Variants in ZC3H6 observed in about 807,000 individuals in gnomAD.
ZC3H6 encodes zinc finger CCCH domain-containing protein 6.
A neutral mutation model predicts 107.7 loss-of-function variants in ZC3H6; 40 were observed. That is an observed-to-expected ratio of 0.37 (90% CI 0.29 to 0.48). The LOEUF (loss-of-function observed/expected upper bound fraction) is 0.48, where lower values mean the gene tolerates loss of function less well. Among genes scored for constraint, ZC3H6 ranks in the 20% least tolerant of loss-of-function variants. ZC3H6 has a pLI of 0.98. For synonymous variants in ZC3H6, 493 were observed against 487.9 expected (o/e 1.01, Z -0.14); for missense variants, 1,267 against 1,410.4 (o/e 0.90, Z 1.63).
In ZC3H6 at chr2:112,338,903, AT is replaced by A. The variant is rs1677192566; in HGVS notation, c.*6416del. The A allele has an allele frequency of 2.6e-4, 19 of 74,412 alleles. No individual in the cohort carries two copies. Among genetic ancestry groups the A allele is most frequent in the Non-Finnish European group, 4.4e-4 (17 of 38,442 alleles). 4.6% of individuals were successfully genotyped at this position (74,412 alleles called of 1,614,324 possible). A position where few individuals can be genotyped will look rare whatever the true frequency, so the allele number is the denominator to read the frequency against. ...TATATATATATATATATATATATATATATATATATAATTTTTTTTTTTTGAG... is the reference window on the plus strand; with the variant it reads ...TATATATATATATATATATATATATAATATATATAATTTTTTTTTTTTGAG... On this transcript the variant is annotated 3_prime_UTR_variant, in exon 12 of 12. Transcript: ENST00000409871.
chr2:112,276,222 C>G (rs969673966), intron 1 of ZC3H6, among the ~76,000 whole-genome samples, 196 bp downstream of exon 1: 35 of 148,528 alleles, frequency 2.4e-4, no homozygotes, highest in African/African-American at 6.3e-4. Flanking sequence ...CCCGCCTCCC[C>G]GAGCCGGGGT....
At chr2:112,287,038 G>T (rs1686622271) in intron 1 of ZC3H6, among the ~76,000 whole-genome samples, 1 of 152,088 alleles carries the variant, frequency 6.6e-6, no homozygotes, top group African/African-American at 2.4e-5. Context: ...GTAACAGGCA[G>T]TTTCACTCTG....
chr2:112,296,112 T>C (rs985338811), intron 1 of ZC3H6, among the ~76,000 whole-genome samples: 11 of 152,150 alleles, frequency 7.2e-5, no homozygotes, highest in African/African-American at 2.7e-4. Flanking sequence ...TTTACAAATG[T>C]GTATAATGTA....
At chr2:112,324,924 GCTCA>G in intron 10 of ZC3H6, 36 bp from the exon 11 acceptor site, 2 of 1,535,280 alleles carry the variant, frequency 1.3e-6, no homozygotes, top group South Asian at 1.2e-5. Context: ...GAAGTTTTGT[GCTCA>G]CTCAATGACT....
intron 11 of ZC3H6, among the ~76,000 whole-genome samples, chr2:112,330,802 T>G (rs1248623482): frequency 6.6e-6 from 1 of 152,160 alleles, no homozygotes; most frequent in Non-Finnish European, 1.5e-5. Flanking sequence ...TGTTCCAGTA[T>G]TGAAATCTGG....
chr2:112,289,316 C>CTT (rs1558946707), intron 1 of ZC3H6, among the ~76,000 whole-genome samples: 1 of 132,260 alleles, frequency 7.6e-6, no homozygotes, highest in African/African-American at 2.8e-5. Context: ...CTTTTTTTTT[C>CTT]TTTTTCTTTT....
At chr2:112,277,320 G>C (rs1268053865) in intron 1 of ZC3H6, among the ~76,000 whole-genome samples, 1 of 152,014 alleles carries the variant, frequency 6.6e-6, no homozygotes. Flanking sequence ...TCTTAGAATG[G>C]GTTGACTAAT....
chr2:112,337,630 A>T lies in ZC3H6; in HGVS notation c.*5142A>T, dbSNP rs999367265. On this transcript the variant is annotated 3_prime_UTR_variant, in exon 12 of 12. Coordinates refer to ENST00000409871, the MANE Select transcript of ZC3H6 (RefSeq NM_198581.3). ...AGCCACCGTGCTCAGCCTGTTTTTT[A>T]TTTATTTTTTTGAGACAGTCTCACT... is the stretch of plus-strand genomic sequence containing the variant. 2 of 149,844 alleles carry T rather than the reference A, an allele frequency of 1.3e-5. No individual in the cohort carries two copies. Among genetic ancestry groups the T allele is most frequent in the South Asian group, 2.1e-4 (1 of 4,730 alleles). The allele number at this position is 149,844 out of a possible 1,614,324, so 9.3% of individuals were successfully genotyped here.
At chr2:112,318,608 T>TA (rs1040022917) in intron 7 of ZC3H6, among the ~76,000 whole-genome samples, 18 of 152,042 alleles carry the variant, frequency 1.2e-4, no homozygotes, top group Admixed American at 1.3e-4. Flanking sequence ...TTTGCAAAAA[T>TA]AAAAAAATCG....
intron 1 of ZC3H6, among the ~76,000 whole-genome samples, chr2:112,278,177 C>CT (rs1157220672): frequency 6.6e-6 from 1 of 152,140 alleles, no homozygotes; most frequent in Non-Finnish European, 1.5e-5. Flanking sequence ...AAAAAATGGA[C>CT]TAATCTGCGG....
chr2:112,312,500 A>G (rs973621866), intron 5 of ZC3H6, among the ~76,000 whole-genome samples: 1 of 152,210 alleles, frequency 6.6e-6, no homozygotes, highest in African/African-American at 2.4e-5. Context: ...ACTGTGGTCC[A>G]ATTCCTGTGT....
chr2:112,286,340 C>G (rs1686606307), intron 1 of ZC3H6: 1 of 213,772 alleles, frequency 4.7e-6, no homozygotes, highest in Non-Finnish European at 9.4e-6. Context: ...CTTGCGCCCG[C>G]TGGGTTTCCA....
rs904446422 is a variant in ZC3H6, at chr2:112,334,489, GAT to G, written c.*2004_*2005del. The G allele has an allele frequency of 6.6e-6, 1 of 152,000 alleles. No homozygotes were observed. Among genetic ancestry groups the G allele is most frequent in the Non-Finnish European group, 1.5e-5 (1 of 67,938 alleles). The allele number at this position is 152,000 out of a possible 1,614,324, so 9.4% of individuals were successfully genotyped here. On this transcript the variant is annotated 3_prime_UTR_variant, in exon 12 of 12. Coordinates refer to ENST00000409871, the MANE Select transcript of ZC3H6 (RefSeq NM_198581.3). ...GAATATCTTTTTTACAACTAAAAGAGATATTCCAAGATTTATTAAAGAGTCAG... is the reference window on the plus strand; with the variant it reads ...GAATATCTTTTTTACAACTAAAAGAGATTCCAAGATTTATTAAAGAGTCAG...
At chr2:112,292,357 T>C (rs1676140036) in intron 1 of ZC3H6, among the ~76,000 whole-genome samples, 2 of 152,232 alleles carry the variant, frequency 1.3e-5, no homozygotes, top group African/African-American at 2.4e-5. Context: ...AATATCAGAA[T>C]CCCTTTATTT....
chr2:112,325,355 G>A (rs979964324), intron 11 of ZC3H6, among the ~76,000 whole-genome samples, 158 bp downstream of exon 11: 5 of 152,136 alleles, frequency 3.3e-5, no homozygotes, highest in African/African-American at 4.8e-5. Context: ...TTAGGTGGTC[G>A]TGTTGGCATG....
intron 1 of ZC3H6, among the ~76,000 whole-genome samples, chr2:112,289,777 GTCACC>G (rs1379000965): frequency 2.6e-5 from 4 of 151,996 alleles, no homozygotes; most frequent in Non-Finnish European, 4.4e-5. Context: ...CAGGGTCTCT[GTCACC>G]CAGGCTGAAA....
intron 9 of ZC3H6, among the ~76,000 whole-genome samples, 195 bp from the exon 10 acceptor site, chr2:112,323,957 A>G (rs1676852337): frequency 6.6e-6 from 1 of 152,194 alleles, no homozygotes; most frequent in African/African-American, 2.4e-5. Context: ...GTAAGCAGCA[A>G]GTGGGCTAAA....
At chr2:112,291,388 T>C (rs911962983) in intron 1 of ZC3H6, among the ~76,000 whole-genome samples, 3 of 152,200 alleles carry the variant, frequency 2.0e-5, no homozygotes, top group East Asian at 3.9e-4. Flanking sequence ...CATGTCCCAC[T>C]ATTCCTGGCC....
intron 1 of ZC3H6, among the ~76,000 whole-genome samples, chr2:112,281,621 T>A (rs1161955559): frequency 6.6e-6 from 1 of 152,176 alleles, no homozygotes; most frequent in African/African-American, 2.4e-5. Flanking sequence ...ATTGTAAACG[T>A]CTAGAAATCA....
Sources: allele counts gnomAD v4.1 joint callset (sites outside exome capture counted in the v4.1 genomes callset), GRCh38; gene constraint gnomAD v4.1.1; transcripts MANE v1.5; gene names NCBI Gene and HGNC (gene_info 2026-07-23, HGNC 2026-07-21).